FRMPD4: variants seen among roughly 807,000 people sequenced by gnomAD.
The protein encoded by FRMPD4 is FERM and PDZ domain-containing protein 4.
In FRMPD4, 22 loss-of-function variants were observed where a neutral mutation model predicts 94.1. The ratio of observed to expected loss-of-function variants is 0.23; its 90% CI spans 0.17 to 0.33. The LOEUF (loss-of-function observed/expected upper bound fraction) is 0.33. FRMPD4 is among the 10% of genes least tolerant of loss of function. FRMPD4 has a pLI of 1.00. For synonymous variants in FRMPD4, 631 were observed against 548.6 expected (o/e 1.15, Z -2.10); for missense variants, 1,111 against 1,339.9 (o/e 0.83, Z 2.67).
chrX:12,190,570 A>G (rs1490849378), intron 1 of FRMPD4, among the ~76,000 whole-genome samples: 1 of 110,678 alleles, frequency 9.0e-6, no homozygotes, highest in Non-Finnish European at 1.9e-5. Flanking sequence ...AATAGAATCC[A>G]GAAGTAGACT....
At chrX:11,980,029 T>A (rs6530471) in intron 3 of FRMPD4, among the ~76,000 whole-genome samples, 15,506 of 111,379 alleles carry the variant, frequency 0.14, 1,093 homozygotes, top group African/African-American at 0.26. Context: ...ACGCTCATGC[T>A]TGTGTGTGTA....
At chrX:12,500,334 T>G (rs2057905378) in intron 2 of FRMPD4, among the ~76,000 whole-genome samples, 1 of 111,890 alleles carries the variant, frequency 8.9e-6, no homozygotes, top group African/African-American at 3.3e-5. Context: ...TCTGCCAAGA[T>G]TGTTTCTAGG....
chrX:12,587,490 G>A (rs2058942014), intron 2 of FRMPD4, among the ~76,000 whole-genome samples: 1 of 110,639 alleles, frequency 9.0e-6, no homozygotes, highest in East Asian at 2.8e-4. Flanking sequence ...CCATGGATTT[G>A]CCTCTTCTGG....
chrX:12,471,693 C>T (rs1489046505), intron 1 of FRMPD4, among the ~76,000 whole-genome samples: 3 of 111,890 alleles, frequency 2.7e-5, no homozygotes, highest in Admixed American at 9.5e-5. Context: ...GTTTTAGATG[C>T]TCACTGTTGT....
chrX:12,110,018 T>G (rs1278804931), intron 3 of FRMPD4, among the ~76,000 whole-genome samples: 1 of 112,006 alleles, frequency 8.9e-6, no homozygotes, highest in Non-Finnish European at 1.9e-5. Flanking sequence ...CCATTCCTTC[T>G]GAAACTATTC....
chrX:12,657,091 A>AC (rs1442893388), intron 4 of FRMPD4, among the ~76,000 whole-genome samples: 1 of 110,429 alleles, frequency 9.1e-6, no homozygotes, highest in Non-Finnish European at 1.9e-5. Flanking sequence ...CTTCTAAAAA[A>AC]AAAAAAAACA....
chrX:12,144,908 G>A (rs1277684047), intron 1 of FRMPD4, among the ~76,000 whole-genome samples: 1 of 110,111 alleles, frequency 9.1e-6, no homozygotes, highest in Non-Finnish European at 1.9e-5. Flanking sequence ...GGTTTTTATA[G>A]ATGTCAGTAA....
chrX:12,576,523 A>G (rs1328789609), intron 2 of FRMPD4, among the ~76,000 whole-genome samples: 2 of 112,943 alleles, frequency 1.8e-5, no homozygotes, highest in Non-Finnish European at 3.7e-5. Context: ...TTGTGAAACA[A>G]GAAACCTGCC....
chrX:12,231,010 G>GTA (rs1555938196), intron 1 of FRMPD4, among the ~76,000 whole-genome samples: 14 of 39,142 alleles, frequency 3.6e-4, no homozygotes, highest in South Asian at 1.2e-3. Flanking sequence ...ATAATATATA[G>GTA]TATATATAGT....
intron 3 of FRMPD4, among the ~76,000 whole-genome samples, chrX:11,967,379 G>A (rs185682732): frequency 1.8e-5 from 2 of 112,566 alleles, no homozygotes; most frequent in African/African-American, 6.4e-5. Context: ...ACTGTTATAA[G>A]ACGAGGCATT....
intron 4 of FRMPD4, among the ~76,000 whole-genome samples, chrX:12,651,845 A>AT (rs2059598240): frequency 1.8e-5 from 2 of 112,451 alleles, no homozygotes; most frequent in South Asian, 7.3e-4. Flanking sequence ...TAAGAATGTG[A>AT]TTTTTTTAAA....
chrX:12,389,444 C>T (rs1459624931), intron 1 of FRMPD4, among the ~76,000 whole-genome samples: 1 of 106,117 alleles, frequency 9.4e-6, no homozygotes, highest in East Asian at 2.9e-4. Flanking sequence ...CACTGCACTC[C>T]AGCCTGGGTG....
chrX:12,546,409 C>T (rs2148321550), intron 2 of FRMPD4, among the ~76,000 whole-genome samples: 1 of 112,087 alleles, frequency 8.9e-6, no homozygotes, highest in Admixed American at 9.4e-5. Flanking sequence ...AACTCCTCAC[C>T]TCAAATGATC....
At position 12,585,986 on chromosome X, in the gene FRMPD4, G is replaced by A. The variant is rs1182207682; in HGVS notation, c.159-23735G>A. Among the ~76,000 whole-genome samples, 3 of 112,545 alleles carry A rather than the reference G, an allele frequency of 2.7e-5. No individual in the cohort carries two copies. The Admixed American group carries it at 2.8e-4, about 11-fold the overall frequency. ...TGATACATAGAAGACTCTTGAAATA[G>A]ATCGATATATTGGCATATCTTTGTA... On this transcript the variant is annotated intron_variant, in intron 2 of 16. Coordinates refer to ENST00000675598, the MANE Select transcript of FRMPD4 (RefSeq NM_001368397.1).
At chrX:12,110,618 G>C (rs1289188773) in intron 3 of FRMPD4, among the ~76,000 whole-genome samples, 1 of 111,177 alleles carries the variant, frequency 9.0e-6, no homozygotes, top group Non-Finnish European at 1.9e-5. Context: ...TAGGAAAAGA[G>C]GAAGCCAAAT....
intron 2 of FRMPD4, among the ~76,000 whole-genome samples, chrX:12,508,991 C>CAAA (rs770698547): frequency 0.057 from 1,747 of 30,451 alleles, 172 homozygotes; most frequent in Non-Finnish European, 0.074. Flanking sequence ...GACTCTGTCT[C>CAAA]AAAAAAAAAA....
chrX:12,481,899 C>T (rs1481606289), intron 1 of FRMPD4, among the ~76,000 whole-genome samples: 4 of 83,416 alleles, frequency 4.8e-5, no homozygotes, highest in East Asian at 8.3e-4. Flanking sequence ...GCCGAGATTG[C>T]GCCACTGCAC....
intron 3 of FRMPD4, among the ~76,000 whole-genome samples, chrX:11,903,242 A>G (rs568123913): frequency 8.9e-5 from 10 of 112,385 alleles, no homozygotes; most frequent in African/African-American, 2.6e-4. Flanking sequence ...ATAGGCTTTA[A>G]CCCCCAAATG....
chrX:12,135,780 T>C (rs1224881874), upstream of FRMPD4, among the ~76,000 whole-genome samples: 1 of 111,503 alleles, frequency 9.0e-6, no homozygotes, highest in African/African-American at 3.3e-5. Context: ...TCTGGAATAA[T>C]TATTGATAAA....
Sources: allele counts gnomAD v4.1 joint callset (sites outside exome capture counted in the v4.1 genomes callset), GRCh38; gene constraint gnomAD v4.1.1; transcripts MANE v1.5; gene names NCBI Gene and HGNC (gene_info 2026-07-23, HGNC 2026-07-21).